SBF2: variants seen among roughly 807,000 people sequenced by gnomAD.
The protein encoded by SBF2 is myotubularin-related protein 13.
Under a neutral mutation model 225.2 loss-of-function variants are expected in SBF2, and 112 were observed. That is an observed-to-expected ratio of 0.50 (90% confidence interval 0.43 to 0.58). SBF2 has a LOEUF of 0.58. Ranked by LOEUF, SBF2 falls within the 20% of genes least tolerant of loss-of-function variation. The pLI is 0.00. For synonymous variants in SBF2, 763 were observed against 773.3 expected, an observed-to-expected ratio of 0.99 and a Z score of 0.22; for missense variants, 1,996 against 2,206.2, an observed-to-expected ratio of 0.90 and a Z score of 1.91.
intron 1 of SBF2, among the ~76,000 whole-genome samples, chr11:10,266,267 T>C (rs1351906693): frequency 1.3e-5 from 2 of 152,200 alleles, no homozygotes; most frequent in African/African-American, 2.4e-5. Context: ...TCAATCGCCA[T>C]GCTACCTCAT....
intron 1 of SBF2, among the ~76,000 whole-genome samples, chr11:10,209,537 C>T (rs1404455367): frequency 6.6e-6 from 1 of 152,112 alleles, no homozygotes; most frequent in Non-Finnish European, 1.5e-5. Context: ...TAACGTTTCA[C>T]TCTCCTGAAG....
intron 17 of SBF2, 98 bp from the exon 18 acceptor site, chr11:9,858,494 G>C: frequency 2.4e-6 from 3 of 1,242,168 alleles, no homozygotes; most frequent in South Asian, 2.5e-5. Flanking sequence ...GAGATCAAAG[G>C]ATTTCTCTAA....
chr11:10,087,226 A>G (rs1042286039), intron 2 of SBF2, among the ~76,000 whole-genome samples: 1 of 151,982 alleles, frequency 6.6e-6, no homozygotes, highest in African/African-American at 2.4e-5. Context: ...TATTTTTGAA[A>G]ATCTTCTCCT....
intron 1 of SBF2, among the ~76,000 whole-genome samples, chr11:10,238,283 C>T (rs1020897323): frequency 5.3e-5 from 8 of 151,962 alleles, no homozygotes; most frequent in African/African-American, 1.2e-4. Context: ...GTGGCGCACA[C>T]CGGCAATCCC....
chr11:10,204,176 G>A (rs1261945192), intron 1 of SBF2, among the ~76,000 whole-genome samples: 1 of 146,938 alleles, frequency 6.8e-6, no homozygotes, highest in Non-Finnish European at 1.5e-5. Context: ...AATGACAGCA[G>A]ACTTCTCATT....
chr11:9,951,258 C>T (rs1040421042), intron 16 of SBF2, among the ~76,000 whole-genome samples: 2 of 152,020 alleles, frequency 1.3e-5, no homozygotes, highest in African/African-American at 4.8e-5. Flanking sequence ...AGGCAGGGGC[C>T]AAGATAAGAT....
intron 1 of SBF2, among the ~76,000 whole-genome samples, chr11:10,284,279 G>T (rs1399761006): frequency 5.9e-5 from 9 of 152,100 alleles, no homozygotes; most frequent in Non-Finnish European, 1.5e-5. Flanking sequence ...ATTTGTGGTT[G>T]TATGTGTGTA....
intron 2 of SBF2, among the ~76,000 whole-genome samples, chr11:10,058,914 T>G (rs939317226): frequency 6.6e-6 from 1 of 152,172 alleles, no homozygotes; most frequent in Non-Finnish European, 1.5e-5. Context: ...AAACTAAGCT[T>G]CCTATATGAT....
intron 14 of SBF2, among the ~76,000 whole-genome samples, chr11:9,967,643 CAGTGGCTCACGA>C (rs1867011416): frequency 6.6e-6 from 1 of 152,078 alleles, no homozygotes; most frequent in Non-Finnish European, 1.5e-5. Flanking sequence ...TTGCCGGGTG[CAGTGGCTCACGA>C]CTGTAATCCC....
rs1296865441 is a variant in SBF2, at chr11:10,294,114, T to C, written c.-45A>G. On this transcript the variant is annotated 5_prime_UTR_variant, in exon 1 of 40. Transcript: ENST00000256190. ...GGGAAGCGGGTCCCCGTCGCCGCCC[T>C]CGCCGCCGCCGCCCACCCGGCCCGG... 50 of 1,300,464 alleles carry C rather than the reference T, an allele frequency of 3.8e-5. No individual in the cohort carries two copies. The highest frequency in any genetic ancestry group is 4.7e-5 in the Non-Finnish European group (48 of 1,022,210). 80.6% of individuals were successfully genotyped at this position (1,300,464 alleles called of 1,614,324 possible).
chr11:10,145,543 A>C (rs10770095), intron 2 of SBF2, among the ~76,000 whole-genome samples: 150,734 of 152,186 alleles, frequency 0.99, 74,671 homozygotes, highest in Middle Eastern at 1. Context: ...TATAATCATG[A>C]CAAATTTTTA....
intron 1 of SBF2, among the ~76,000 whole-genome samples, chr11:10,253,460 T>C (rs1168357109): frequency 2.0e-5 from 3 of 152,186 alleles, no homozygotes; most frequent in Non-Finnish European, 1.5e-5. Flanking sequence ...TTTTAACTGC[T>C]TGGAAACGCT....
intron 1 of SBF2, among the ~76,000 whole-genome samples, chr11:10,263,334 G>A (rs1961625896): frequency 6.6e-6 from 1 of 151,334 alleles, no homozygotes; most frequent in Non-Finnish European, 1.5e-5. Context: ...AAAAATTCAA[G>A]TTTTTTTTTA....
intron 1 of SBF2, among the ~76,000 whole-genome samples, chr11:10,203,327 G>A (rs1325178186): frequency 4.6e-5 from 7 of 152,080 alleles, no homozygotes; most frequent in African/African-American, 1.4e-4. Context: ...AGGAAAAAAC[G>A]AAAAAACTTG....
rs1490089389 is a variant in SBF2, at chr11:9,787,616, G to A, written c.5037+18C>T. ...CAGAAAGCTCAGAAGTGGCTCTCAAGGGGCATTGCCAACTCACGCGATCTG... is the reference window on the plus strand; with the variant it reads ...CAGAAAGCTCAGAAGTGGCTCTCAAAGGGCATTGCCAACTCACGCGATCTG... On this transcript the variant is annotated intron_variant, in intron 36 of 39. Transcript: ENST00000256190. 1.9e-6 allele frequency: 3 copies of A among 1,604,342 alleles called. No homozygotes were observed. Among genetic ancestry groups the A allele is most frequent in the Non-Finnish European group, 2.6e-6 (3 of 1,171,208 alleles).
intron 17 of SBF2, among the ~76,000 whole-genome samples, chr11:9,882,795 CAAAAAA>C (rs56699466): frequency 1.3e-3 from 116 of 90,076 alleles, no homozygotes; most frequent in Admixed American, 4.6e-3. Context: ...GTGACAGAGT[CAAAAAA>C]AAAAAAAAAA....
Position 10,196,837 on chromosome 11 carries a change from AATATAT to A in SBF2, c.56-2856_56-2851del, listed in dbSNP as rs71313475. Among the ~76,000 whole-genome samples, 89 of 83,522 alleles carry A rather than the reference AATATAT, an allele frequency of 1.1e-3. 4 individuals carry two copies. The highest frequency in any genetic ancestry group is 3.1e-3 in the African/African-American group (72 of 23,396). 54.8% of individuals were successfully genotyped at this position (83,522 alleles called of 152,430 possible). On this transcript the variant is annotated intron_variant, in intron 1 of 39. Coordinates refer to ENST00000256190, the MANE Select transcript of SBF2 (RefSeq NM_030962.4). ...CATTTATTCCTAGGTTTCTTGCATA[AATATAT>A]ATATATATATATATATATATATATT...
At chr11:10,265,190 T>G (rs1961855434) in intron 1 of SBF2, among the ~76,000 whole-genome samples, 1 of 152,162 alleles carries the variant, frequency 6.6e-6, no homozygotes, top group African/African-American at 2.4e-5. Context: ...TAATTCACCC[T>G]CCCACCAACA....
At chr11:10,161,108 C>G (rs1223871878) in intron 2 of SBF2, among the ~76,000 whole-genome samples, 1 of 148,404 alleles carries the variant, frequency 6.7e-6, no homozygotes, top group East Asian at 2.0e-4. Flanking sequence ...TTGCTTGAGC[C>G]TGGGAGACAG....
Sources: allele counts gnomAD v4.1 joint callset (sites outside exome capture counted in the v4.1 genomes callset), GRCh38; gene constraint gnomAD v4.1.1; transcripts MANE v1.5; gene names NCBI Gene and HGNC (gene_info 2026-07-23, HGNC 2026-07-21).